Variants in COL22A1 observed in about 807,000 individuals in gnomAD.
The protein encoded by COL22A1 is collagen alpha-1(XXII) chain.
In COL22A1, 221 loss-of-function variants were observed where a neutral mutation model predicts 248.9. The observed-to-expected ratio is 0.89, with a 90% CI of 0.80 to 0.99. The LOEUF (loss-of-function observed/expected upper bound fraction) is 0.99. Among genes scored for constraint, COL22A1 ranks in the 50% least tolerant of loss-of-function variants. The pLI, the probability that COL22A1 is intolerant of heterozygous loss-of-function variation, is 0.00. For synonymous variants in COL22A1, 891 were observed against 793.4 expected (o/e 1.12, Z -2.07); for missense variants, 2,240 against 2,179.0 (o/e 1.03, Z -0.56).
intron 23 of COL22A1, among the ~76,000 whole-genome samples, chr8:138,736,007 A>G (rs939905563): frequency 1.3e-5 from 2 of 152,132 alleles, no homozygotes; most frequent in African/African-American, 2.4e-5. Flanking sequence ...CAAACGGAAG[A>G]GCCCAGCAGT....
intron 10 of COL22A1, among the ~76,000 whole-genome samples, chr8:138,806,619 G>A (rs958160486): frequency 3.3e-5 from 5 of 152,148 alleles, no homozygotes. Flanking sequence ...CTGGAGAATG[G>A]GACCAATGCT....
chr8:138,816,411 G>A (rs1176509789), intron 7 of COL22A1, among the ~76,000 whole-genome samples: 4 of 152,294 alleles, frequency 2.6e-5, no homozygotes, highest in South Asian at 4.2e-4. Context: ...GTCCTGCTCC[G>A]GTTTCTGCCC....
chr8:138,602,013 G>A, intron 60 of COL22A1, 102 bp downstream of exon 60: 2 of 1,200,426 alleles, frequency 1.7e-6, no homozygotes, highest in East Asian at 4.7e-5. Context: ...ATCCAGGCGG[G>A]TGTTTACTAA....
At chr8:138,837,256 G>A (rs1319719476) in intron 4 of COL22A1, among the ~76,000 whole-genome samples, 1 of 152,190 alleles carries the variant, frequency 6.6e-6, no homozygotes, top group African/African-American at 2.4e-5. Flanking sequence ...CTTTCACTCT[G>A]GTTATAAGGA....
rs567799861 is a variant in COL22A1, at chr8:138,671,956, T to C, written c.3150+4602A>G. 1.2e-4 allele frequency among the ~76,000 whole-genome samples: 18 copies of C among 152,340 alleles called. No individual in the cohort carries two copies. In the South Asian group the frequency reaches 3.7e-3, roughly 32 times the overall value. Reference sequence around the variant, plus strand: ...ACAAAACATGTGTTACTTGACTGTATTATCAGTAAGGCTTCCAGTCTACAG... The same window carrying C: ...ACAAAACATGTGTTACTTGACTGTACTATCAGTAAGGCTTCCAGTCTACAG... On this transcript the variant is annotated intron_variant, in intron 41 of 64. Transcript: ENST00000303045.
intron 3 of COL22A1, among the ~76,000 whole-genome samples, chr8:138,875,740 C>A (rs1823666944): frequency 1.3e-5 from 2 of 152,194 alleles, no homozygotes; most frequent in African/African-American, 4.8e-5. Context: ...GAGGGCCCAA[C>A]ATGCCTTGAA....
chr8:138,633,842 C>T lies in COL22A1; in HGVS notation c.3609+1168G>A, dbSNP rs116398611. On this transcript the variant is annotated intron_variant, in intron 49 of 64. Coordinates refer to ENST00000303045, the MANE Select transcript of COL22A1 (RefSeq NM_152888.3). ...TTTTGTGAAGTTAAATGACAGCAAA[C>T]TGATAAATTCCCTACAATATCCTTC... Among the ~76,000 whole-genome samples the T allele has an allele frequency of 6.8e-3, 1,028 of 152,288 alleles. 7 individuals carry two copies. Among genetic ancestry groups the T allele is most frequent in the African/African-American group, 0.024 (997 of 41,564 alleles).
At chr8:138,877,421 T>C (rs1823805238) in intron 3 of COL22A1, among the ~76,000 whole-genome samples, 1 of 152,204 alleles carries the variant, frequency 6.6e-6, no homozygotes, top group Non-Finnish European at 1.5e-5. Flanking sequence ...GAGGTAAAGA[T>C]GAGACACCAA....
chr8:138,637,678 CA>C (rs1484178324), intron 47 of COL22A1, among the ~76,000 whole-genome samples: 1 of 152,078 alleles, frequency 6.6e-6, no homozygotes, highest in Non-Finnish European at 1.5e-5. Flanking sequence ...AAATGAGAAT[CA>C]TAAAATAGTA....
Position 138,676,590 on chromosome 8 carries a change from C to T in COL22A1, c.3118G>A (p.Gly1040Ser), listed in dbSNP as rs960420191. The T allele has an allele frequency of 3.2e-6, 5 of 1,568,152 alleles. No individual in the cohort carries two copies. The change falls in exon 41 of 65, where the codon GGT (glycine) becomes AGT (serine). Residue 1040 changes from glycine to serine, a missense_variant. Coordinates refer to ENST00000303045, the MANE Select transcript of COL22A1 (RefSeq NM_152888.3). Reference protein sequence around the residue: ...PGIPGSPGSRGDPGIGVAGPP... With the variant: ...PGIPGSPGSRSDPGIGVAGPP... ...CCAGCAACCCCAATGCCTGGGTCAC[C>T]ACGGCTGCCAGGAGAACCAGGGATC...
intron 42 of COL22A1, among the ~76,000 whole-genome samples, chr8:138,663,192 G>A (rs1000734206): frequency 7.9e-5 from 12 of 152,170 alleles, no homozygotes; most frequent in Admixed American, 1.3e-4. Flanking sequence ...GTAAATGCAC[G>A]CACAGGCATG....
chr8:138,677,671 G>A (rs1452951472), intron 40 of COL22A1, among the ~76,000 whole-genome samples: 1 of 152,238 alleles, frequency 6.6e-6, no homozygotes, highest in Non-Finnish European at 1.5e-5. Flanking sequence ...TAATGTGCTT[G>A]ATTAGGGGTG....
At chr8:138,902,188 C>A (rs1814638165) in intron 1 of COL22A1, among the ~76,000 whole-genome samples, 1 of 152,164 alleles carries the variant, frequency 6.6e-6, no homozygotes, top group Non-Finnish European at 1.5e-5. Context: ...CACAATGAAG[C>A]TTTCGTGGCA....
intron 23 of COL22A1, among the ~76,000 whole-genome samples, chr8:138,731,702 T>C (rs997273078): frequency 6.6e-6 from 1 of 152,150 alleles, no homozygotes; most frequent in African/African-American, 2.4e-5. Flanking sequence ...AACAGAGTGC[T>C]GGTCTACCCG....
chr8:138,778,226 C>G (rs1439489797), intron 15 of COL22A1, 127 bp downstream of exon 15: 1 of 961,708 alleles, frequency 1.0e-6, no homozygotes, highest in East Asian at 2.5e-5. Context: ...GATACCAACA[C>G]TTCATTGGCA....
intron 18 of COL22A1, among the ~76,000 whole-genome samples, chr8:138,756,310 C>T (rs1302428632): frequency 6.6e-6 from 1 of 152,158 alleles, no homozygotes; most frequent in African/African-American, 2.4e-5. Flanking sequence ...TGTGGCACTG[C>T]TTCTCATCCA....
intron 32 of COL22A1, among the ~76,000 whole-genome samples, chr8:138,697,855 G>C (rs62527941): frequency 6.6e-6 from 1 of 152,168 alleles, no homozygotes; most frequent in Non-Finnish European, 1.5e-5. Flanking sequence ...GACGAAGCCA[G>C]TCCCGGGGAG....
chr8:138,739,619 ACTGTAGGCT>A (rs1333136399), intron 22 of COL22A1, among the ~76,000 whole-genome samples: 5 of 152,336 alleles, frequency 3.3e-5, no homozygotes, highest in Admixed American at 1.3e-4. Context: ...GATGCTATAT[ACTGTAGGCT>A]CAGGACAGTG....
Position 138,631,165 on chromosome 8 carries a change from T to C in COL22A1, c.3610-417A>G, listed in dbSNP as rs77014739. ...TGTACAGTCTACAGAACTGAGCCAA[T>C]AAAACCTCTTTTCTTTATAAATTAT... On this transcript the variant is annotated intron_variant, in intron 49 of 64. Coordinates refer to ENST00000303045, the MANE Select transcript of COL22A1 (RefSeq NM_152888.3). Among the ~76,000 whole-genome samples the C allele has an allele frequency of 1.9e-3, 283 of 152,334 alleles. 12 individuals are homozygous for C. In the East Asian group the frequency reaches 0.048, roughly 26 times the overall value.
Sources: allele counts gnomAD v4.1 joint callset (sites outside exome capture counted in the v4.1 genomes callset), GRCh38; gene constraint gnomAD v4.1.1; transcripts MANE v1.5; gene names NCBI Gene and HGNC (gene_info 2026-07-23, HGNC 2026-07-21).